KDM4C: variants seen among roughly 807,000 people sequenced by gnomAD.
The protein encoded by KDM4C is lysine demethylase 4C.
KDM4C carries 81 observed loss-of-function variants against 129.3 expected under a neutral mutation model. The observed-to-expected ratio is 0.63, with a 90% CI of 0.52 to 0.75. The LOEUF (loss-of-function observed/expected upper bound fraction) is 0.75. Ranked by LOEUF, KDM4C falls within the 30% of genes least tolerant of loss-of-function variation. KDM4C has a pLI of 0.00. For missense variants in KDM4C, 1,457 were observed against 1,304.0 expected, an observed-to-expected ratio of 1.12 and a Z score of -1.81; for synonymous variants, 573 against 456.1, an observed-to-expected ratio of 1.26 and a Z score of -3.26.
intron 5 of KDM4C, among the ~76,000 whole-genome samples, chr9:6,853,598 G>A (rs1431605982): frequency 6.6e-6 from 1 of 152,240 alleles, no homozygotes; most frequent in African/African-American, 2.4e-5. Flanking sequence ...TAGCTACCGT[G>A]TGTGGCAGGT....
chr9:7,037,681 G>T (rs1276099460), intron 15 of KDM4C, among the ~76,000 whole-genome samples: 1 of 151,964 alleles, frequency 6.6e-6, no homozygotes, highest in Non-Finnish European at 1.5e-5. Flanking sequence ...GTACAAAACT[G>T]TTCAGAATAT....
chr9:6,741,060 T>TG (rs2130259853), intron 1 of KDM4C, among the ~76,000 whole-genome samples: 1 of 152,116 alleles, frequency 6.6e-6, no homozygotes, highest in South Asian at 2.1e-4. Flanking sequence ...CCTGACCTCA[T>TG]GATCCGTCTA....
intron 12 of KDM4C, among the ~76,000 whole-genome samples, chr9:7,006,186 A>T (rs527329681): frequency 1.1e-4 from 16 of 152,318 alleles, no homozygotes; most frequent in African/African-American, 3.4e-4. Context: ...TAAGTAGAAA[A>T]CTTTTGGAGT....
intron 4 of KDM4C, chr9:6,818,881 A>G (rs1832570823): frequency 6.6e-6 from 1 of 152,112 alleles, no homozygotes; most frequent in African/African-American, 2.4e-5. Context: ...GAAATATGTA[A>G]AACTAGGTCT....
chr9:7,132,942 A>G (rs185343364), intron 19 of KDM4C, among the ~76,000 whole-genome samples: 1 of 152,156 alleles, frequency 6.6e-6, no homozygotes, highest in African/African-American at 2.4e-5. Flanking sequence ...GACTGGCTAC[A>G]TTTTTCAGCT....
At chr9:7,128,474 C>G (rs1312408825) in intron 19 of KDM4C, among the ~76,000 whole-genome samples, 1 of 152,204 alleles carries the variant, frequency 6.6e-6, no homozygotes, top group African/African-American at 2.4e-5. Flanking sequence ...CTAATCACCT[C>G]TTAAAGGTCC....
rs1279798248 is a variant in KDM4C at position 7,066,010 on chromosome 9, AC to A, written c.2424+16811del. The stretch of plus-strand genomic sequence containing the variant: ...TAACAGCTTTAAAAAAAAAAAAAAA[AC>A]TGTAATTGAGATCCGCATAAAAATA... On this transcript the variant is annotated intron_variant, in intron 17 of 21. Coordinates refer to ENST00000381309, the MANE Select transcript of KDM4C (RefSeq NM_015061.6). Among the ~76,000 whole-genome samples the A allele has an allele frequency of 2.3e-4, 34 of 147,584 alleles. No homozygotes were observed. In the East Asian group the frequency reaches 6.5e-3, roughly 28 times the overall value.
chr9:6,994,257 T>TGGC (rs1445885776), intron 12 of KDM4C, among the ~76,000 whole-genome samples: 1 of 152,138 alleles, frequency 6.6e-6, no homozygotes, highest in African/African-American at 2.4e-5. Flanking sequence ...CACGGACTGG[T>TGGC]ACTATTCTAT....
intron 5 of KDM4C, among the ~76,000 whole-genome samples, chr9:6,861,811 T>C (rs1840983436): frequency 6.6e-6 from 1 of 151,798 alleles, no homozygotes; most frequent in African/African-American, 2.4e-5. Flanking sequence ...AGTCTTGCTC[T>C]GTTGCCCAGG....
chr9:6,984,953 T>G (rs949981997), intron 10 of KDM4C, among the ~76,000 whole-genome samples: 2 of 139,026 alleles, frequency 1.4e-5, no homozygotes, highest in African/African-American at 5.2e-5. Context: ...CTGAAACTGC[T>G]TTAGTGATTT....
intron 1 of KDM4C, among the ~76,000 whole-genome samples, chr9:6,745,304 T>G (rs1817837898): frequency 6.6e-6 from 1 of 151,998 alleles, no homozygotes; most frequent in African/African-American, 2.4e-5. Flanking sequence ...ATTTTAAAAC[T>G]GAGAAAAATT....
chr9:6,823,698 CTA>C (rs1490979850), intron 4 of KDM4C, among the ~76,000 whole-genome samples: 1 of 152,212 alleles, frequency 6.6e-6, no homozygotes, highest in Non-Finnish European at 1.5e-5. Context: ...CTGAGAATGG[CTA>C]TGAGTCCACT....
At chr9:7,173,900 G>T (rs1169523300) in intron 21 of KDM4C, among the ~76,000 whole-genome samples, 4 of 152,228 alleles carry the variant, frequency 2.6e-5, no homozygotes, top group Non-Finnish European at 4.4e-5. Flanking sequence ...AGCCAGGGGT[G>T]TGGGCACAAA....
At chr9:7,152,338 A>G (rs1587891188) in intron 19 of KDM4C, among the ~76,000 whole-genome samples, 1 of 152,248 alleles carries the variant, frequency 6.6e-6, no homozygotes. Context: ...ATACTGTTGC[A>G]TATATTTGGC....
At chr9:7,091,700 G>A (rs1018591996) in intron 17 of KDM4C, among the ~76,000 whole-genome samples, 9 of 152,292 alleles carry the variant, frequency 5.9e-5, no homozygotes, top group Middle Eastern at 3.4e-3. Context: ...AACATAGACT[G>A]AGAATATTGA....
intron 4 of KDM4C, among the ~76,000 whole-genome samples, chr9:6,844,383 A>G (rs1837490965): frequency 6.6e-6 from 1 of 152,192 alleles, no homozygotes; most frequent in Non-Finnish European, 1.5e-5. Context: ...TCTGAAGTGC[A>G]TCTCTGATGT....
intron 8 of KDM4C, among the ~76,000 whole-genome samples, chr9:6,909,474 G>T (rs974248907): frequency 6.6e-6 from 1 of 152,178 alleles, no homozygotes; most frequent in Non-Finnish European, 1.5e-5. Flanking sequence ...TTGATTTTGT[G>T]AACTCAAGCT....
Position 6,818,468 on chromosome 9 carries a change from C to T in KDM4C, c.435+3723C>T, listed in dbSNP as rs1188677582. Among the ~76,000 whole-genome samples the T allele has an allele frequency of 2.6e-5, 4 of 152,172 alleles. No homozygotes were observed. In the East Asian group the frequency reaches 7.7e-4, roughly 29 times the overall value. ...TGCACATGTGTGATAAAGGTGAGGG[C>T]TCAGAGAGAGGCCAAGAGCAGGTTC... On this transcript the variant is annotated intron_variant, in intron 4 of 21. Transcript: ENST00000381309.
chr9:7,141,024 G>A (rs972770863), intron 19 of KDM4C, among the ~76,000 whole-genome samples: 1 of 152,214 alleles, frequency 6.6e-6, no homozygotes, highest in Non-Finnish European at 1.5e-5. Flanking sequence ...GAAGGAAAGG[G>A]CCAGACTGGG....
Sources: allele counts gnomAD v4.1 joint callset (sites outside exome capture counted in the v4.1 genomes callset), GRCh38; gene constraint gnomAD v4.1.1; transcripts MANE v1.5; gene names NCBI Gene and HGNC (gene_info 2026-07-23, HGNC 2026-07-21).